Variants in CSMD1 observed in about 807,000 individuals in gnomAD.
CSMD1 encodes the protein CUB and Sushi multiple domains 1.
In CSMD1, 213 loss-of-function variants were observed where a neutral mutation model predicts 417.5. That is an observed-to-expected ratio of 0.51 (90% CI 0.46 to 0.57). CSMD1 has a LOEUF of 0.57. Ranked by LOEUF, CSMD1 falls within the 20% of genes least tolerant of loss-of-function variation. The probability of loss-of-function intolerance (pLI) is 0.00; values close to 1 mark genes in which losing one functional copy is unlikely to be tolerated. For missense variants in CSMD1, 6,923 were observed against 4,529.7 expected (o/e 1.53, Z -15.17); for synonymous variants, 2,862 against 1,736.8 (o/e 1.65, Z -16.11).
chr8:4,030,944 C>A (rs1439418528), intron 4 of CSMD1, among the ~76,000 whole-genome samples: 2 of 152,176 alleles, frequency 1.3e-5, no homozygotes, highest in African/African-American at 4.8e-5. Context: ...AGTCTTTTTG[C>A]TAAAACGTAA....
chr8:4,051,015 G>C (rs1175385820), intron 3 of CSMD1, among the ~76,000 whole-genome samples: 1 of 152,098 alleles, frequency 6.6e-6, no homozygotes, highest in African/African-American at 2.4e-5. Context: ...GGAGGAAGGA[G>C]CCAGAAAACC....
chr8:4,044,492 AC>A (rs1282370971), intron 3 of CSMD1, among the ~76,000 whole-genome samples: 1 of 151,996 alleles, frequency 6.6e-6, no homozygotes, highest in African/African-American at 2.4e-5. Flanking sequence ...GGGACCAGCG[AC>A]CCCTCCAGAG....
chr8:4,633,476 A>G (rs937545015), intron 2 of CSMD1, among the ~76,000 whole-genome samples: 5 of 151,712 alleles, frequency 3.3e-5, no homozygotes, highest in East Asian at 1.9e-4. Flanking sequence ...GTCTCGATCT[A>G]CTGACCTCGT....
chr8:4,349,463 G>A (rs763313861), intron 3 of CSMD1, among the ~76,000 whole-genome samples: 1 of 152,114 alleles, frequency 6.6e-6, no homozygotes, highest in East Asian at 1.9e-4. Flanking sequence ...ATATGTCTCA[G>A]GTTATATAGG....
intron 1 of CSMD1, among the ~76,000 whole-genome samples, chr8:4,838,474 A>G (rs34880000): frequency 0.21 from 32,007 of 152,276 alleles, 4,358 homozygotes; most frequent in Non-Finnish European, 0.3. Flanking sequence ...CCTGATGAAG[A>G]TGCTTCAAAC....
chr8:4,500,646 G>C (rs994742508), intron 2 of CSMD1, among the ~76,000 whole-genome samples: 1 of 152,154 alleles, frequency 6.6e-6, no homozygotes, highest in Non-Finnish European at 1.5e-5. Context: ...ACGAAAGTGA[G>C]AGGTGTTAGT....
At chr8:3,921,271 T>C (rs1809238130) in intron 5 of CSMD1, among the ~76,000 whole-genome samples, 1 of 152,142 alleles carries the variant, frequency 6.6e-6, no homozygotes, top group African/African-American at 2.4e-5. Flanking sequence ...TATCACCTCT[T>C]TCATTTCTAA....
chr8:3,921,263 T>C (rs1809237205), intron 5 of CSMD1, among the ~76,000 whole-genome samples: 1 of 152,162 alleles, frequency 6.6e-6, no homozygotes, highest in Non-Finnish European at 1.5e-5. Flanking sequence ...TGTTGTAGTA[T>C]CACCTCTTTC....
chr8:3,961,305 A>G (rs1166077156), intron 5 of CSMD1, among the ~76,000 whole-genome samples: 1 of 152,232 alleles, frequency 6.6e-6, no homozygotes, highest in Non-Finnish European at 1.5e-5. Flanking sequence ...ATATGAGCAT[A>G]AAAGTCATCC....
chr8:4,372,127 A>G (rs1802434413), intron 3 of CSMD1, among the ~76,000 whole-genome samples: 1 of 152,232 alleles, frequency 6.6e-6, no homozygotes, highest in Non-Finnish European at 1.5e-5. Context: ...ACTGAATATT[A>G]GCATTTTTCT....
intron 1 of CSMD1, among the ~76,000 whole-genome samples, chr8:4,965,969 AC>A (rs1017597440): frequency 6.6e-6 from 1 of 152,192 alleles, no homozygotes; most frequent in Non-Finnish European, 1.5e-5. Flanking sequence ...ACTCAAGTTT[AC>A]ACCTTAATCC....
At chr8:3,819,481 C>T (rs1431760490) in intron 5 of CSMD1, among the ~76,000 whole-genome samples, 1 of 151,834 alleles carries the variant, frequency 6.6e-6, no homozygotes, top group African/African-American at 2.4e-5. Context: ...GTCGGTGGCA[C>T]TGCTCTTTCT....
intron 7 of CSMD1, among the ~76,000 whole-genome samples, chr8:3,702,907 G>C (rs1047624011): frequency 3.3e-5 from 5 of 152,308 alleles, no homozygotes; most frequent in Middle Eastern, 3.4e-3. Context: ...ATAAAGAGCA[G>C]TTCACCATTT....
At chr8:4,973,858 A>C (rs527549138) in intron 1 of CSMD1, among the ~76,000 whole-genome samples, 1 of 152,182 alleles carries the variant, frequency 6.6e-6, no homozygotes, top group Non-Finnish European at 1.5e-5. Flanking sequence ...TTTCAAATCA[A>C]CGTGACAAAT....
chr8:4,295,750 GTATATATATATATATATA>G (rs756556655), intron 3 of CSMD1, among the ~76,000 whole-genome samples: 9 of 34,238 alleles, frequency 2.6e-4, no homozygotes, highest in Non-Finnish European at 5.9e-4. Context: ...ATGTGTGTGT[GTATATATATATATATATA>G]TATATATATA....
At chr8:4,025,626 A>C (rs74588418) in intron 4 of CSMD1, among the ~76,000 whole-genome samples, 26,084 of 152,116 alleles carry the variant, frequency 0.17, 2,951 homozygotes, top group African/African-American at 0.31. Flanking sequence ...CATGCCAATA[A>C]TATACAATGA....
At chr8:4,497,489 C>T (rs1419023886) in intron 2 of CSMD1, among the ~76,000 whole-genome samples, 1 of 152,214 alleles carries the variant, frequency 6.6e-6, no homozygotes, top group Non-Finnish European at 1.5e-5. Flanking sequence ...AACCTGTCAT[C>T]TCTCTTTAGT....
intron 5 of CSMD1, among the ~76,000 whole-genome samples, chr8:3,994,668 G>A (rs1175445367): frequency 1.3e-5 from 2 of 151,960 alleles, no homozygotes; most frequent in Non-Finnish European, 2.9e-5. Flanking sequence ...AGCCTATGAG[G>A]CTTAAATTAC....
intron 37 of CSMD1, among the ~76,000 whole-genome samples, chr8:3,164,893 G>A (rs1047905111): frequency 8.5e-5 from 13 of 152,058 alleles, no homozygotes; most frequent in African/African-American, 3.1e-4. Flanking sequence ...TGATTTATAT[G>A]CAGTTATTAC....
Sources: allele counts gnomAD v4.1 joint callset (sites outside exome capture counted in the v4.1 genomes callset), GRCh38; gene constraint gnomAD v4.1.1; transcripts MANE v1.5; gene names NCBI Gene and HGNC (gene_info 2026-07-23, HGNC 2026-07-21).